Variants in NEGR1 observed in about 807,000 individuals in gnomAD.
NEGR1 encodes neuronal growth regulator 1.
In NEGR1, 10 loss-of-function variants were observed where a neutral mutation model predicts 40.9. The observed-to-expected ratio is 0.24, with a 90% CI of 0.15 to 0.42. The LOEUF (loss-of-function observed/expected upper bound fraction) is 0.42, where lower values mean the gene tolerates loss of function less well. Among genes scored for constraint, NEGR1 ranks in the 10% least tolerant of loss-of-function variants. The pLI is 1.00. For missense variants in NEGR1, 352 were observed against 438.9 expected (o/e 0.80, Z 1.77); for synonymous variants, 185 against 166.8 (o/e 1.11, Z -0.84).
chr1:72,275,179 CAAAG>C, intron 1 of NEGR1: 1 of 610,676 alleles, frequency 1.6e-6, no homozygotes, highest in South Asian at 2.0e-5. Flanking sequence ...ATTAAAATGA[CAAAG>C]AAAAACAGAA....
chr1:71,651,337 T>C (rs1306498961), intron 4 of NEGR1, among the ~76,000 whole-genome samples: 1 of 152,100 alleles, frequency 6.6e-6, no homozygotes, highest in African/African-American at 2.4e-5. Context: ...ACTTGTATGA[T>C]CTTAAGAAAA....
At chr1:72,260,372 A>T (rs975745757) in intron 1 of NEGR1, among the ~76,000 whole-genome samples, 1 of 152,132 alleles carries the variant, frequency 6.6e-6, no homozygotes, top group African/African-American at 2.4e-5. Flanking sequence ...CATTCATTAA[A>T]TTATACAATC....
intron 1 of NEGR1, among the ~76,000 whole-genome samples, chr1:72,188,354 A>G (rs557260165): frequency 6.6e-6 from 1 of 151,534 alleles, no homozygotes; most frequent in African/African-American, 2.4e-5. Context: ...CTTCTTTTCA[A>G]TCTTCGCATT....
At chr1:71,512,910 A>G (rs982484713) in intron 6 of NEGR1, among the ~76,000 whole-genome samples, 7 of 152,210 alleles carry the variant, frequency 4.6e-5, no homozygotes, top group African/African-American at 1.7e-4. Flanking sequence ...ATGTGTAAAT[A>G]AAATAAGCTA....
chr1:72,204,382 G>A (rs1338409751), intron 1 of NEGR1, among the ~76,000 whole-genome samples: 1 of 152,020 alleles, frequency 6.6e-6, no homozygotes, highest in Non-Finnish European at 1.5e-5. Context: ...GATTTTAGGA[G>A]TAAAAGAATT....
At chr1:71,884,372 C>G (rs1660666718) in intron 2 of NEGR1, among the ~76,000 whole-genome samples, 3 of 152,166 alleles carry the variant, frequency 2.0e-5, no homozygotes, top group South Asian at 4.1e-4. Flanking sequence ...ACAGACTCAT[C>G]CACAGTCTAA....
intron 1 of NEGR1, among the ~76,000 whole-genome samples, chr1:72,150,315 G>A (rs1651073616): frequency 6.6e-6 from 1 of 152,114 alleles, no homozygotes; most frequent in South Asian, 2.1e-4. Context: ...TTTTAAAAAG[G>A]AATATATAAT....
At chr1:71,556,949 C>T (rs140621824) in intron 6 of NEGR1, among the ~76,000 whole-genome samples, 150 of 151,472 alleles carry the variant, frequency 9.9e-4, no homozygotes, top group African/African-American at 3.4e-3. Flanking sequence ...TTTTATTTTG[C>T]GTGAAGTGAA....
intron 1 of NEGR1, among the ~76,000 whole-genome samples, chr1:72,104,807 A>G (rs1468483074): frequency 6.6e-6 from 1 of 152,108 alleles, no homozygotes; most frequent in Non-Finnish European, 1.5e-5. Flanking sequence ...ACAATATTAA[A>G]TTTTCTAATT....
intron 1 of NEGR1, among the ~76,000 whole-genome samples, chr1:72,180,660 A>G (rs1346743763): frequency 6.6e-6 from 1 of 152,142 alleles, no homozygotes; most frequent in African/African-American, 2.4e-5. Context: ...TTTCCCGAAC[A>G]GACATTTCTC....
At chr1:71,755,477 C>A (rs922369686) in intron 3 of NEGR1, among the ~76,000 whole-genome samples, 2 of 152,166 alleles carry the variant, frequency 1.3e-5, no homozygotes, top group Non-Finnish European at 2.9e-5. Flanking sequence ...GAAAAATATA[C>A]TAAACTCTCA....
chr1:72,245,658 C>T (rs753301261), intron 1 of NEGR1, among the ~76,000 whole-genome samples: 110 of 152,080 alleles, frequency 7.2e-4, no homozygotes, highest in Non-Finnish European at 7.5e-4. Context: ...TTAGAAGATT[C>T]AAACACTAAT....
intron 1 of NEGR1, among the ~76,000 whole-genome samples, chr1:72,257,117 T>C (rs1215214407): frequency 6.6e-6 from 1 of 151,664 alleles, no homozygotes; most frequent in Non-Finnish European, 1.5e-5. Context: ...GGTCAGGAGA[T>C]TGAGACCATC....
At chr1:71,775,668 A>G (rs2101717178) in intron 3 of NEGR1, among the ~76,000 whole-genome samples, 1 of 150,864 alleles carries the variant, frequency 6.6e-6, no homozygotes, top group Non-Finnish European at 1.5e-5. Flanking sequence ...ATGAACTGCA[A>G]TGCCTTTAAG....
intron 1 of NEGR1, among the ~76,000 whole-genome samples, chr1:72,012,475 A>G (rs1646665880): frequency 6.6e-6 from 1 of 152,040 alleles, no homozygotes; most frequent in Non-Finnish European, 1.5e-5. Flanking sequence ...GATCTTCCCT[A>G]TCCCCACTAC....
intron 4 of NEGR1, among the ~76,000 whole-genome samples, chr1:71,697,673 T>C (rs1450616022): frequency 1.3e-5 from 2 of 151,834 alleles, no homozygotes; most frequent in Non-Finnish European, 2.9e-5. Context: ...TTAGTGTTAG[T>C]GCACTTCAGG....
chr1:71,858,911 T>A (rs990736830), intron 2 of NEGR1, among the ~76,000 whole-genome samples: 1 of 152,046 alleles, frequency 6.6e-6, no homozygotes, highest in East Asian at 1.9e-4. Flanking sequence ...CCACCAATGC[T>A]GCTCCTATTT....
intron 5 of NEGR1, among the ~76,000 whole-genome samples, chr1:71,593,566 T>C (rs1202122058): frequency 6.6e-6 from 1 of 152,194 alleles, no homozygotes; most frequent in African/African-American, 2.4e-5. Context: ...GTCCCATCAC[T>C]GTCACATTTT....
chr1:71,919,166 A>C (rs1834526), intron 2 of NEGR1, among the ~76,000 whole-genome samples: 18,825 of 152,192 alleles, frequency 0.12, 1,626 homozygotes, highest in East Asian at 0.43. Context: ...ATAATTTTCC[A>C]GCTGGATTCT....
Sources: gnomAD v4.1 joint callset for allele counts (sites outside exome capture counted in the v4.1 genomes callset) on GRCh38, gnomAD v4.1.1 for gene constraint, MANE v1.5 for transcripts, NCBI Gene and HGNC (gene_info 2026-07-23, HGNC 2026-07-21) for gene names.